CNTNAP2: variants seen among roughly 807,000 people sequenced by gnomAD.
CNTNAP2 encodes the protein contactin-associated protein-like 2.
Under a neutral mutation model 155.2 loss-of-function variants are expected in CNTNAP2, and 98 were observed. The observed-to-expected ratio is 0.63, with a 90% CI of 0.54 to 0.75. CNTNAP2 has a LOEUF of 0.75. Ranked by LOEUF, CNTNAP2 falls within the 30% of genes least tolerant of loss-of-function variation. The probability of loss-of-function intolerance (pLI) is 0.00; values close to 1 mark genes in which losing one functional copy is unlikely to be tolerated. For missense variants in CNTNAP2, 1,727 were observed against 1,688.1 expected, an observed-to-expected ratio of 1.02 and a Z score of -0.40; for synonymous variants, 651 against 631.2, an observed-to-expected ratio of 1.03 and a Z score of -0.47.
chr7:146,754,548 C>CTG (rs995003375), intron 1 of CNTNAP2, among the ~76,000 whole-genome samples: 1 of 131,346 alleles, frequency 7.6e-6, no homozygotes, highest in Non-Finnish European at 1.6e-5. Flanking sequence ...CTCTCTCTCT[C>CTG]TCTCTGTCTC....
At chr7:147,458,935 G>C (rs1237779567) in intron 10 of CNTNAP2, among the ~76,000 whole-genome samples, 5 of 151,418 alleles carry the variant, frequency 3.3e-5, no homozygotes, top group Non-Finnish European at 7.4e-5. Flanking sequence ...GAAATCAAGA[G>C]AGAAAGAAAT....
At chr7:146,220,170 A>G (rs1031328968) in intron 1 of CNTNAP2, among the ~76,000 whole-genome samples, 12 of 152,174 alleles carry the variant, frequency 7.9e-5, no homozygotes, top group African/African-American at 2.7e-4. Context: ...AGGAGCTGAC[A>G]AATTTGTCAG....
intron 3 of CNTNAP2, among the ~76,000 whole-genome samples, chr7:146,857,022 A>G (rs1161329525): frequency 1.3e-5 from 2 of 152,194 alleles, no homozygotes; most frequent in African/African-American, 2.4e-5. Flanking sequence ...ATATTGGGAT[A>G]TGGAAGGTTT....
In CNTNAP2 at chr7:147,952,091, T is replaced by G. The variant is rs116866480; in HGVS notation, c.2256-25771T>G. On this transcript the variant is annotated intron_variant, in intron 14 of 23. Transcript: ENST00000361727. ...ATGTTAATGCCAAAATTAAGATCAT[T>G]CTTTGGTTCAAAATATAGAGCATGT... Among the ~76,000 whole-genome samples the G allele has an allele frequency of 5.6e-3, 854 of 151,920 alleles. 19 individuals are homozygous for G. In the East Asian group the frequency reaches 0.067, roughly 12 times the overall value.
chr7:146,739,189 T>G (rs1801668662), intron 1 of CNTNAP2, among the ~76,000 whole-genome samples: 1 of 151,984 alleles, frequency 6.6e-6, no homozygotes, highest in Admixed American at 6.5e-5. Context: ...GGACTTAGTT[T>G]GTTTTTGTTT....
At chr7:146,756,326 A>G (rs1801994840) in intron 1 of CNTNAP2, among the ~76,000 whole-genome samples, 1 of 151,986 alleles carries the variant, frequency 6.6e-6, no homozygotes, top group African/African-American at 2.4e-5. Context: ...TCCAATTTAA[A>G]AAGAATTTTG....
intron 18 of CNTNAP2, among the ~76,000 whole-genome samples, chr7:148,208,918 C>A (rs954035772): frequency 1.3e-5 from 2 of 152,144 alleles, no homozygotes; most frequent in Non-Finnish European, 2.9e-5. Context: ...AAGCTCATTT[C>A]CCTGTCCCAG....
At chr7:147,816,339 G>A (rs1383773780) in intron 13 of CNTNAP2, among the ~76,000 whole-genome samples, 2 of 152,090 alleles carry the variant, frequency 1.3e-5, no homozygotes, top group Non-Finnish European at 2.9e-5. Flanking sequence ...CAAGGTGAAC[G>A]GAAAGGTAGC....
At chr7:146,815,436 A>T (rs1479485465) in intron 2 of CNTNAP2, among the ~76,000 whole-genome samples, 1 of 152,112 alleles carries the variant, frequency 6.6e-6, no homozygotes, top group Non-Finnish European at 1.5e-5. Context: ...TGACTTAATG[A>T]TCTCTATGAT....
At chr7:147,198,955 CTTTTTTT>C (rs531893928) in intron 8 of CNTNAP2, among the ~76,000 whole-genome samples, 36 of 99,290 alleles carry the variant, frequency 3.6e-4, no homozygotes, top group African/African-American at 8.0e-4. Flanking sequence ...AATCAAAGGA[CTTTTTTT>C]TTTTTTTTTT....
At chr7:148,414,099 T>TTTCC (rs1799921560) in intron 23 of CNTNAP2, among the ~76,000 whole-genome samples, 1 of 115,176 alleles carries the variant, frequency 8.7e-6, no homozygotes, top group African/African-American at 3.3e-5. Context: ...TTAGACAGAG[T>TTTCC]CCCCCCCCCC....
At chr7:147,000,276 T>A (rs771402213) in intron 3 of CNTNAP2, among the ~76,000 whole-genome samples, 9 of 152,226 alleles carry the variant, frequency 5.9e-5, no homozygotes, top group Middle Eastern at 6.8e-3. Flanking sequence ...GTTTTCTTCA[T>A]ACCTTTAGCT....
At chr7:148,136,810 A>G (rs560906122) in intron 16 of CNTNAP2, among the ~76,000 whole-genome samples, 3 of 152,260 alleles carry the variant, frequency 2.0e-5, no homozygotes, top group East Asian at 3.9e-4. Flanking sequence ...AAGTAAATGT[A>G]CTTGTTTGAA....
chr7:148,100,904 G>A (rs1290164961), intron 15 of CNTNAP2, among the ~76,000 whole-genome samples: 3 of 152,048 alleles, frequency 2.0e-5, no homozygotes, highest in Non-Finnish European at 4.4e-5. Context: ...TGATAGACTG[G>A]ATTAAGAAAA....
At chr7:147,377,187 A>C (rs2116924883) in intron 9 of CNTNAP2, among the ~76,000 whole-genome samples, 1 of 149,636 alleles carries the variant, frequency 6.7e-6, no homozygotes, top group East Asian at 2.0e-4. Flanking sequence ...TTTCCCCTAC[A>C]ATTGCTTTGA....
intron 1 of CNTNAP2, among the ~76,000 whole-genome samples, chr7:146,396,928 T>A (rs1465758252): frequency 2.0e-5 from 3 of 152,164 alleles, no homozygotes; most frequent in African/African-American, 7.2e-5. Context: ...AATTTTCTAA[T>A]TCTTATCTGA....
chr7:147,666,536 C>T (rs1165128836), intron 13 of CNTNAP2, among the ~76,000 whole-genome samples: 2 of 152,128 alleles, frequency 1.3e-5, no homozygotes, highest in Non-Finnish European at 2.9e-5. Context: ...CTATGCTATA[C>T]TTTAATTGTT....
At chr7:147,573,454 C>A (rs1226995604) in intron 12 of CNTNAP2, among the ~76,000 whole-genome samples, 1 of 152,172 alleles carries the variant, frequency 6.6e-6, no homozygotes, top group African/African-American at 2.4e-5. Flanking sequence ...GTTATTCTAT[C>A]TTCACTGGAC....
intron 1 of CNTNAP2, among the ~76,000 whole-genome samples, chr7:146,722,345 A>T (rs2129177801): frequency 6.6e-6 from 1 of 152,242 alleles, no homozygotes; most frequent in South Asian, 2.1e-4. Context: ...GGACTTCCAG[A>T]CACTAATACC....
Sources: allele counts gnomAD v4.1 joint callset (sites outside exome capture counted in the v4.1 genomes callset), GRCh38; gene constraint gnomAD v4.1.1; transcripts MANE v1.5; gene names NCBI Gene and HGNC (gene_info 2026-07-23, HGNC 2026-07-21).